Variants in DIS3L2 observed in about 807,000 individuals in gnomAD.
DIS3L2 encodes the protein DIS3-like exonuclease 2.
In DIS3L2, 34 loss-of-function variants were observed where a neutral mutation model predicts 97.5. The ratio of observed to expected loss-of-function variants is 0.35; its 90% CI spans 0.27 to 0.46. The LOEUF is 0.46. Among genes scored for constraint, DIS3L2 ranks in the 20% least tolerant of loss-of-function variants. DIS3L2 has a pLI of 1.00. For missense variants in DIS3L2, 1,038 were observed against 1,146.0 expected (o/e 0.91, Z 1.36); for synonymous variants, 435 against 445.2 (o/e 0.98, Z 0.29).
chr2:232,176,541 T>A (rs1421860695), intron 9 of DIS3L2, among the ~76,000 whole-genome samples: 1 of 151,810 alleles, frequency 6.6e-6, no homozygotes, highest in Non-Finnish European at 1.5e-5. Flanking sequence ...TTCTTTGGTT[T>A]CTTAAGGTGG....
At chr2:232,010,672 C>G (rs1471673169) in intron 1 of DIS3L2, among the ~76,000 whole-genome samples, 1 of 152,068 alleles carries the variant, frequency 6.6e-6, no homozygotes, top group Non-Finnish European at 1.5e-5. Context: ...TCCATTTGCT[C>G]TGATACTCGT....
At chr2:232,099,184 G>A (rs1180483811) in intron 6 of DIS3L2, among the ~76,000 whole-genome samples, 4 of 151,078 alleles carry the variant, frequency 2.6e-5, no homozygotes, top group African/African-American at 9.7e-5. Flanking sequence ...TACATGATTG[G>A]ATTCACTTAG....
At chr2:232,224,154 T>G (rs908011971) in intron 10 of DIS3L2, among the ~76,000 whole-genome samples, 22 of 152,164 alleles carry the variant, frequency 1.4e-4, no homozygotes, top group African/African-American at 4.3e-4. Context: ...TGCTCAGAAG[T>G]CAAGGTAAGA....
chr2:232,070,911 G>A (rs1206967085), intron 5 of DIS3L2, among the ~76,000 whole-genome samples: 1 of 152,020 alleles, frequency 6.6e-6, no homozygotes, highest in Admixed American at 6.5e-5. Context: ...GATTGTGGTG[G>A]CCATGCAGGA....
At chr2:232,093,070 C>T (rs1696895425) in intron 6 of DIS3L2, among the ~76,000 whole-genome samples, 1 of 152,080 alleles carries the variant, frequency 6.6e-6, no homozygotes, top group Non-Finnish European at 1.5e-5. Flanking sequence ...TCCTTCTGTA[C>T]CCAGTTTTTC....
intron 14 of DIS3L2, among the ~76,000 whole-genome samples, chr2:232,301,835 CTTT>C (rs557282669): frequency 1.9e-5 from 2 of 105,478 alleles, no homozygotes; most frequent in Admixed American, 1.0e-4. Context: ...TAGCCTAGCT[CTTT>C]TTTTTTTTTT....
chr2:232,011,847 C>T lies in DIS3L2; in HGVS notation c.-93-2988C>T, dbSNP rs577846899. Among the ~76,000 whole-genome samples the T allele has an allele frequency of 7.2e-5, 11 of 151,884 alleles. No individual in the cohort carries two copies. The East Asian group carries it at 9.7e-4, about 13-fold the overall frequency. On this transcript the variant is annotated intron_variant, in intron 1 of 20. Coordinates refer to ENST00000325385, the MANE Select transcript of DIS3L2 (RefSeq NM_152383.5). ...TGTATTTCTAGTAGACACCGGGTTTCGCCATGTTGCCCAGTCTGGTCTTGA... is the reference window on the plus strand; with the variant it reads ...TGTATTTCTAGTAGACACCGGGTTTTGCCATGTTGCCCAGTCTGGTCTTGA...
intron 5 of DIS3L2, among the ~76,000 whole-genome samples, chr2:232,087,079 G>C (rs1254518617): frequency 6.6e-6 from 1 of 151,742 alleles, no homozygotes; most frequent in Non-Finnish European, 1.5e-5. Context: ...TGGTTTCCTT[G>C]GTTTCCTTTA....
chr2:232,181,858 G>A (rs1574930235), intron 9 of DIS3L2, among the ~76,000 whole-genome samples: 1 of 152,114 alleles, frequency 6.6e-6, no homozygotes, highest in South Asian at 2.1e-4. Flanking sequence ...CACCATGTTG[G>A]CCAGGTTGGT....
intron 4 of DIS3L2, among the ~76,000 whole-genome samples, chr2:232,028,220 C>T (rs1021642066): frequency 1.9e-4 from 29 of 152,120 alleles, no homozygotes; most frequent in Admixed American, 1.8e-3. Context: ...AGTTCATTAT[C>T]TATTTTTCTT....
chr2:232,098,479 G>A (rs1265981266), intron 6 of DIS3L2, among the ~76,000 whole-genome samples: 4 of 150,456 alleles, frequency 2.7e-5, no homozygotes, highest in South Asian at 2.1e-4. Flanking sequence ...TCAGCTTCCC[G>A]AGTAGCTGGG....
Position 232,084,498 on chromosome 2 carries a change from G to A in DIS3L2, c.367-2989G>A, listed in dbSNP as rs557570993. 1.2e-4 allele frequency among the ~76,000 whole-genome samples: 19 copies of A among 152,280 alleles called. No individual in the cohort carries two copies. In the South Asian group the frequency reaches 2.5e-3, roughly 20 times the overall value. Reference sequence around the variant, plus strand: ...GACCATTTTGGATTTTCAGATTAGGGATGTTCAACCTGTGTATCAGTGCCC... The same window carrying A: ...GACCATTTTGGATTTTCAGATTAGGAATGTTCAACCTGTGTATCAGTGCCC... On this transcript the variant is annotated intron_variant, in intron 5 of 20. Transcript: ENST00000325385.
chr2:232,120,304 G>A (rs886131018), intron 6 of DIS3L2, among the ~76,000 whole-genome samples: 9 of 152,270 alleles, frequency 5.9e-5, no homozygotes, highest in Admixed American at 5.9e-4. Flanking sequence ...AGAGGATGAG[G>A]TGCTGGCATC....
chr2:231,965,077 A>G (rs568686193), intron 1 of DIS3L2, among the ~76,000 whole-genome samples: 31 of 152,348 alleles, frequency 2.0e-4, no homozygotes, highest in African/African-American at 6.7e-4. Flanking sequence ...GTACAAATCT[A>G]TATGACATTT....
At chr2:231,971,207 G>T (rs575166723) in intron 1 of DIS3L2, among the ~76,000 whole-genome samples, 1 of 151,516 alleles carries the variant, frequency 6.6e-6, no homozygotes, top group Non-Finnish European at 1.5e-5. Flanking sequence ...TTGGAGGTGC[G>T]TGTACAGGTT....
chr2:231,984,110 T>C (rs1026417701), intron 1 of DIS3L2, among the ~76,000 whole-genome samples: 2 of 151,978 alleles, frequency 1.3e-5, no homozygotes, highest in African/African-American at 4.8e-5. Context: ...CTAATATTTA[T>C]ATCACCTTTT....
At chr2:232,200,568 G>T (rs1382845730) in intron 9 of DIS3L2, among the ~76,000 whole-genome samples, 2 of 151,904 alleles carry the variant, frequency 1.3e-5, no homozygotes, top group Non-Finnish European at 2.9e-5. Context: ...CGTGGTAATG[G>T]ATTATAACAC....
rs866837002 is a variant in DIS3L2, at chr2:232,148,669, T to A, written c.950+11950T>A. Among the ~76,000 whole-genome samples, 12 of 151,176 alleles carry A rather than the reference T, an allele frequency of 7.9e-5. No homozygotes were observed. In the South Asian group the frequency reaches 1.7e-3, roughly 21 times the overall value. ...ATTGAGACTCTTTGGACTCAGAGTA[T>A]AACCTGGTAAAACATTGTGTCAGAA... On this transcript the variant is annotated intron_variant, in intron 8 of 20. Coordinates refer to ENST00000325385, the MANE Select transcript of DIS3L2 (RefSeq NM_152383.5).
chr2:232,296,137 T>G (rs575456339), intron 13 of DIS3L2, among the ~76,000 whole-genome samples: 62 of 152,352 alleles, frequency 4.1e-4, no homozygotes, highest in South Asian at 1.0e-3. Context: ...CTCCCAAACC[T>G]GTTTTTCTTC....
Sources: gnomAD v4.1 joint callset for allele counts (sites outside exome capture counted in the v4.1 genomes callset) on GRCh38, gnomAD v4.1.1 for gene constraint, MANE v1.5 for transcripts, NCBI Gene and HGNC (gene_info 2026-07-23, HGNC 2026-07-21) for gene names.